The following CNTLN variants were observed in gnomAD, a reference collection of about 807,000 sequenced individuals.
CNTLN encodes the protein centlein, centrosomal protein.
Under a neutral mutation model 180.0 loss-of-function variants are expected in CNTLN, and 212 were observed. The observed-to-expected ratio is 1.18, with a 90% CI of 1.05 to 1.32. The LOEUF is 1.32. CNTLN is among the 40% of genes most tolerant of loss of function. CNTLN has a pLI of 0.00. For synonymous variants in CNTLN, 722 were observed against 563.1 expected, an observed-to-expected ratio of 1.28 and a Z score of -3.99; for missense variants, 2,095 against 1,610.9, an observed-to-expected ratio of 1.30 and a Z score of -5.14.
intron 5 of CNTLN, among the ~76,000 whole-genome samples, chr9:17,251,355 G>C (rs1826129457): frequency 6.6e-6 from 1 of 151,744 alleles, no homozygotes; most frequent in Non-Finnish European, 1.5e-5. Context: ...CATTTTCTTG[G>C]TCCCTTCTCC....
chr9:17,514,174 A>G, the CNTLN span, among the ~76,000 whole-genome samples: 2 of 150,226 alleles, frequency 1.3e-5, no homozygotes, highest in Non-Finnish European at 1.5e-5. Flanking sequence ...ACTGGGCGTA[A>G]TGACACATGC....
intron 1 of CNTLN, among the ~76,000 whole-genome samples, chr9:17,138,352 G>A (rs1234439375): frequency 6.6e-6 from 1 of 152,012 alleles, no homozygotes; most frequent in Non-Finnish European, 1.5e-5. Context: ...CTATAAGCCA[G>A]TTTTAGGAAA....
chr9:17,483,908 G>C (rs544353650), intron 23 of CNTLN, among the ~76,000 whole-genome samples: 14 of 152,238 alleles, frequency 9.2e-5, no homozygotes, highest in Admixed American at 2.6e-4. Flanking sequence ...GAATTATGCA[G>C]CTAACCTGTT....
At chr9:17,524,299 CTGA>C in the CNTLN span, among the ~76,000 whole-genome samples, 1 of 152,134 alleles carries the variant, frequency 6.6e-6, no homozygotes, top group African/African-American at 2.4e-5. Flanking sequence ...CCCAGGATAA[CTGA>C]TGATGTACTA....
chr9:17,408,870 A>G (rs1042706486), intron 15 of CNTLN, among the ~76,000 whole-genome samples: 1 of 151,816 alleles, frequency 6.6e-6, no homozygotes, highest in Non-Finnish European at 1.5e-5. Flanking sequence ...ATAAATAGCC[A>G]TAAGGGATGG....
chr9:17,522,519 G>A, the CNTLN span, among the ~76,000 whole-genome samples: 2 of 152,022 alleles, frequency 1.3e-5, no homozygotes, highest in African/African-American at 2.4e-5. Flanking sequence ...TCATCACTTC[G>A]GGGGCTGGGC....
chr9:17,479,319 A>G (rs1330120817), intron 23 of CNTLN, among the ~76,000 whole-genome samples: 1 of 152,238 alleles, frequency 6.6e-6, no homozygotes, highest in Admixed American at 6.5e-5. Flanking sequence ...ATGAATGAAT[A>G]AAGAAAATGT....
intron 2 of CNTLN, chr9:17,168,394 A>C (rs1025153877): frequency 5.9e-5 from 9 of 152,214 alleles, no homozygotes; most frequent in Non-Finnish European, 1.3e-4. Context: ...CCCCAAATTT[A>C]AGAAATAAGT....
intron 5 of CNTLN, among the ~76,000 whole-genome samples, chr9:17,268,512 G>T (rs1263866777): frequency 6.6e-6 from 1 of 152,206 alleles, no homozygotes; most frequent in Non-Finnish European, 1.5e-5. Flanking sequence ...GAGGCAGTCT[G>T]CCCGTTCTCA....
intron 13 of CNTLN, among the ~76,000 whole-genome samples, chr9:17,374,059 G>A (rs1824551490): frequency 6.6e-6 from 1 of 152,144 alleles, no homozygotes; most frequent in African/African-American, 2.4e-5. Context: ...GACTGAGCAA[G>A]GATCTTTTGA....
chr9:17,307,466 C>T (rs896511876), intron 7 of CNTLN, among the ~76,000 whole-genome samples: 7 of 151,968 alleles, frequency 4.6e-5, no homozygotes, highest in African/African-American at 9.7e-5. Flanking sequence ...GACGGGGATT[C>T]GTCATATTGC....
intron 14 of CNTLN, among the ~76,000 whole-genome samples, chr9:17,388,854 C>T (rs774319299): frequency 6.6e-6 from 1 of 151,548 alleles, no homozygotes; most frequent in South Asian, 2.1e-4. Flanking sequence ...TTAATATTTA[C>T]CTTTATAATT....
chr9:17,497,337 A>C (rs889156220), intron 25 of CNTLN, among the ~76,000 whole-genome samples: 8 of 152,166 alleles, frequency 5.3e-5, no homozygotes, highest in African/African-American at 1.9e-4. Context: ...CAAGAAGCCT[A>C]ATCACAGCCT....
At chr9:17,439,669 G>A (rs977720384) in intron 18 of CNTLN, among the ~76,000 whole-genome samples, 11 of 152,196 alleles carry the variant, frequency 7.2e-5, no homozygotes, top group Admixed American at 3.3e-4. Flanking sequence ...CAGTGTTGTA[G>A]ACTAAATATA....
At chr9:17,202,055 C>T (rs1021981421) in intron 2 of CNTLN, among the ~76,000 whole-genome samples, 1 of 152,098 alleles carries the variant, frequency 6.6e-6, no homozygotes, top group African/African-American at 2.4e-5. Context: ...ATTGTTTTCA[C>T]AGAACTTACT....
At chr9:17,415,671 TA>T (rs1828165414) in intron 16 of CNTLN, 116 bp from the exon 17 acceptor site, 41 of 731,888 alleles carry the variant, frequency 5.6e-5, no homozygotes, top group Non-Finnish European at 7.7e-5. Context: ...CCCACAGACT[TA>T]AAAAAAATTC....
At chr9:17,224,764 G>A (rs2132074076) in intron 2 of CNTLN, among the ~76,000 whole-genome samples, 1 of 151,636 alleles carries the variant, frequency 6.6e-6, no homozygotes, top group South Asian at 2.1e-4. Flanking sequence ...TTATTCTTTT[G>A]TCTTTACGGA....
chr9:17,299,576 G>T, intron 7 of CNTLN: 6 of 984,882 alleles, frequency 6.1e-6, no homozygotes, highest in Non-Finnish European at 7.2e-6. Flanking sequence ...GTTTTGTGTT[G>T]CCTTTGTGTT....
At chr9:17,468,359 A>G (rs1388363816) in intron 23 of CNTLN, among the ~76,000 whole-genome samples, 2 of 151,566 alleles carry the variant, frequency 1.3e-5, no homozygotes, top group African/African-American at 2.4e-5. Context: ...TATCTACAGA[A>G]CCAACCTGCA....
Sources: allele counts gnomAD v4.1 joint callset (sites outside exome capture counted in the v4.1 genomes callset), GRCh38; gene constraint gnomAD v4.1.1; transcripts MANE v1.5; gene names NCBI Gene and HGNC (gene_info 2026-07-23, HGNC 2026-07-21).